SYCP1: variants seen among roughly 807,000 people sequenced by gnomAD.
SYCP1 encodes cancer/testis antigen 8.
SYCP1 carries 64 observed loss-of-function variants against 153.1 expected under a neutral mutation model. The observed-to-expected ratio is 0.42, with a 90% CI of 0.34 to 0.51. The LOEUF is 0.51. SYCP1 is among the 20% of genes least tolerant of loss of function. SYCP1 has a pLI of 0.06. For missense variants in SYCP1, 997 were observed against 1,049.0 expected, an observed-to-expected ratio of 0.95 and a Z score of 0.68; for synonymous variants, 384 against 341.8, an observed-to-expected ratio of 1.12 and a Z score of -1.36.
intron 26 of SYCP1, 97 bp from the exon 27 acceptor site, chr1:114,947,149 C>T: frequency 2.3e-6 from 2 of 886,480 alleles, no homozygotes; most frequent in South Asian, 3.1e-5. Flanking sequence ...ATTTATTTCT[C>T]TACAATATTA....
At chr1:114,914,913 A>G (rs759876659) in intron 20 of SYCP1, among the ~76,000 whole-genome samples, 2 of 152,112 alleles carry the variant, frequency 1.3e-5, no homozygotes, top group Admixed American at 6.6e-5. Flanking sequence ...GAGTTAAGGC[A>G]TGAATGCAGA....
At chr1:114,944,836 A>G (rs1381183509) in intron 24 of SYCP1, 36 bp from the exon 25 acceptor site, 12 of 1,434,952 alleles carry the variant, frequency 8.4e-6, no homozygotes, top group Non-Finnish European at 1.1e-5. Context: ...TTGTGCATTT[A>G]TTTTAAGAAA....
intron 28 of SYCP1, among the ~76,000 whole-genome samples, chr1:114,979,388 C>G (rs1673005875): frequency 1.3e-5 from 2 of 151,752 alleles, no homozygotes; most frequent in South Asian, 4.1e-4. Context: ...AAAAATACAA[C>G]AGAGAAAATT....
At chr1:114,960,323 A>G (rs189642440) in intron 27 of SYCP1, among the ~76,000 whole-genome samples, 1 of 151,494 alleles carries the variant, frequency 6.6e-6, no homozygotes, top group African/African-American at 2.4e-5. Flanking sequence ...ATGCACCATC[A>G]CCCCTGGCTA....
At chr1:114,975,107 TTGGACATTGTA>T (rs1278526398) in intron 27 of SYCP1, among the ~76,000 whole-genome samples, 1 of 151,890 alleles carries the variant, frequency 6.6e-6, no homozygotes, top group African/African-American at 2.4e-5. Flanking sequence ...AATATGCCTG[TTGGACATTGTA>T]TATCTTCTTT....
intron 12 of SYCP1, among the ~76,000 whole-genome samples, chr1:114,883,951 A>G (rs1666126379): frequency 6.6e-6 from 1 of 152,128 alleles, no homozygotes; most frequent in Non-Finnish European, 1.5e-5. Flanking sequence ...TCGGCCTCCC[A>G]AAGTGCTGGG....
intron 18 of SYCP1, among the ~76,000 whole-genome samples, chr1:114,911,808 T>C (rs1668199640): frequency 6.6e-6 from 1 of 152,048 alleles, no homozygotes; most frequent in African/African-American, 2.4e-5. Context: ...TTTAGATCAA[T>C]GTGTTACTTT....
At chr1:114,987,243 C>T (rs1160670390) in intron 30 of SYCP1, among the ~76,000 whole-genome samples, 1 of 151,982 alleles carries the variant, frequency 6.6e-6, no homozygotes, top group East Asian at 1.9e-4. Context: ...TTATCTCAGG[C>T]TGATCCCTGG....
At chr1:114,942,971 A>G (rs1670479877) in intron 23 of SYCP1, among the ~76,000 whole-genome samples, 1 of 151,972 alleles carries the variant, frequency 6.6e-6, no homozygotes, top group African/African-American at 2.4e-5. Context: ...CACCAAGTAC[A>G]TAAATGAGTA....
At position 114,951,522 on chromosome 1, in the gene SYCP1, A is replaced by G. The variant is rs1013721906; in HGVS notation, c.2322+4202A>G. On this transcript the variant is annotated intron_variant, in intron 27 of 31. Transcript: ENST00000369522. ...GCTGAGATTCTAGGGTGAAGAAAAC[A>G]GACTGAAAAACATTTTGAAGAGGGA... Among the ~76,000 whole-genome samples the G allele has an allele frequency of 5.9e-4, 90 of 152,230 alleles. 3 individuals are homozygous for G. Among genetic ancestry groups the G allele is most frequent in the Non-Finnish European group, 8.8e-5 (6 of 68,034 alleles).
intron 7 of SYCP1, among the ~76,000 whole-genome samples, chr1:114,860,246 A>C (rs1205031139): frequency 1.3e-5 from 2 of 152,180 alleles, no homozygotes; most frequent in Non-Finnish European, 2.9e-5. Flanking sequence ...AATTAAGTCT[A>C]ACTGCCATAT....
chr1:114,954,541 T>A (rs2008873), intron 27 of SYCP1, among the ~76,000 whole-genome samples: 14,878 of 149,576 alleles, frequency 0.099, 918 homozygotes, highest in South Asian at 0.17. Context: ...TTCCAGTCAG[T>A]ATGCTTTTTA....
chr1:114,881,403 A>G (rs1009182782), intron 12 of SYCP1, among the ~76,000 whole-genome samples: 3 of 152,128 alleles, frequency 2.0e-5, no homozygotes, highest in African/African-American at 7.2e-5. Context: ...TTGTTTATTC[A>G]TTCTCATCCA....
chr1:114,856,432 T>C (rs1344955357), intron 2 of SYCP1, 141 bp from the exon 3 acceptor site: 3 of 469,606 alleles, frequency 6.4e-6, no homozygotes, highest in Non-Finnish European at 1.1e-5. Flanking sequence ...ATTTGATATT[T>C]TAAACACTGT....
chr1:114,912,801 T>C (rs1182219602), intron 18 of SYCP1, among the ~76,000 whole-genome samples: 1 of 151,830 alleles, frequency 6.6e-6, no homozygotes, highest in Middle Eastern at 3.2e-3. Flanking sequence ...ATATATTGTA[T>C]GACATTTGAA....
At chr1:114,857,157 A>AAAAAAAAAAAAAG (rs1664040863) in intron 3 of SYCP1, 75 bp from the exon 4 acceptor site, 15 of 881,494 alleles carry the variant, frequency 1.7e-5, no homozygotes, top group Non-Finnish European at 1.9e-5. Context: ...AAAAAAAAAA[A>AAAAAAAAAAAAAG]GAGAAAAAAG....
At chr1:114,952,156 A>AT (rs1405676602) in intron 27 of SYCP1, among the ~76,000 whole-genome samples, 1 of 152,028 alleles carries the variant, frequency 6.6e-6, no homozygotes, top group African/African-American at 2.4e-5. Flanking sequence ...ACCTGTTTTC[A>AT]TTTTTCTGAA....
chr1:114,904,795 A>G (rs1429144053), intron 16 of SYCP1, among the ~76,000 whole-genome samples: 1 of 152,232 alleles, frequency 6.6e-6, no homozygotes, highest in Non-Finnish European at 1.5e-5. Flanking sequence ...ATCTTAAGAG[A>G]AAAACATTCA....
intron 23 of SYCP1, among the ~76,000 whole-genome samples, chr1:114,935,934 C>A (rs1484280414): frequency 6.6e-6 from 1 of 152,050 alleles, no homozygotes; most frequent in Non-Finnish European, 1.5e-5. Flanking sequence ...AAAATAAGTC[C>A]AGGACCAGAC....
Sources: gnomAD v4.1 joint callset for allele counts (sites outside exome capture counted in the v4.1 genomes callset) on GRCh38, gnomAD v4.1.1 for gene constraint, MANE v1.5 for transcripts, NCBI Gene and HGNC (gene_info 2026-07-23, HGNC 2026-07-21) for gene names.